Variants in GMDS observed in about 807,000 individuals in gnomAD.
GMDS encodes the protein GDP-mannose 4,6 dehydratase.
Under a neutral mutation model 49.9 loss-of-function variants are expected in GMDS, and 20 were observed. The observed-to-expected ratio is 0.40, with a 90% CI of 0.28 to 0.58. The LOEUF is 0.58. Among genes scored for constraint, GMDS ranks in the 20% least tolerant of loss-of-function variants. The pLI is 0.42. For synonymous variants in GMDS, 177 were observed against 178.6 expected, an observed-to-expected ratio of 0.99 and a Z score of 0.07; for missense variants, 362 against 481.4, an observed-to-expected ratio of 0.75 and a Z score of 2.32.
chr6:1,724,345 C>T (rs1273390539), intron 9 of GMDS, among the ~76,000 whole-genome samples: 19 of 152,112 alleles, frequency 1.2e-4, no homozygotes, highest in Admixed American at 1.0e-3. Flanking sequence ...GGGAGGGATG[C>T]GGCGTCGGTC....
At position 1,931,070 on chromosome 6, in the gene GMDS, A is replaced by T. The variant is rs546272638; in HGVS notation, c.644-840T>A. On this transcript the variant is annotated intron_variant, in intron 6 of 10. Transcript: ENST00000380815. ...CAAAGTTAAAAGGCACTTCTGAGAC[A>T]GTTTTACCTTGTTATCTAGGTAAGG... 6.2e-4 allele frequency: 94 copies of T among 152,366 alleles called. 2 individuals are homozygous for T. Among genetic ancestry groups the T allele is most frequent in the African/African-American group, 2.2e-3 (90 of 41,592 alleles). 9.4% of individuals were successfully genotyped at this position (152,366 alleles called of 1,614,324 possible).
intron 4 of GMDS, among the ~76,000 whole-genome samples, chr6:2,016,007 G>C (rs996264825): frequency 6.7e-6 from 1 of 149,328 alleles, no homozygotes; most frequent in Non-Finnish European, 1.5e-5. Flanking sequence ...GGAGGCCGAG[G>C]CAGGCAGATT....
chr6:2,224,502 T>G (rs980067961), intron 1 of GMDS, among the ~76,000 whole-genome samples: 1 of 152,262 alleles, frequency 6.6e-6, no homozygotes, highest in Non-Finnish European at 1.5e-5. Flanking sequence ...TCAATGATGC[T>G]TCTCATAGGA....
At chr6:1,868,702 T>G (rs1426210256) in intron 7 of GMDS, among the ~76,000 whole-genome samples, 1 of 152,050 alleles carries the variant, frequency 6.6e-6, no homozygotes, top group African/African-American at 2.4e-5. Context: ...CTCGTCCCAG[T>G]ATAATGTGCT....
At chr6:1,660,154 A>G (rs1764021427) in intron 9 of GMDS, among the ~76,000 whole-genome samples, 1 of 152,118 alleles carries the variant, frequency 6.6e-6, no homozygotes, top group African/African-American at 2.4e-5. Context: ...TCCTTGCTAA[A>G]GCATTCCTGG....
intron 4 of GMDS, among the ~76,000 whole-genome samples, chr6:2,092,741 C>T (rs2127477894): frequency 6.6e-6 from 1 of 152,128 alleles, no homozygotes; most frequent in Non-Finnish European, 1.5e-5. Flanking sequence ...ACACATGTAC[C>T]CTTAAACAGA....
intron 7 of GMDS, among the ~76,000 whole-genome samples, chr6:1,777,114 T>C (rs1768868257): frequency 6.6e-6 from 1 of 152,258 alleles, no homozygotes; most frequent in Non-Finnish European, 1.5e-5. Context: ...CACTGATGAA[T>C]GCCTACCGTG....
intron 9 of GMDS, among the ~76,000 whole-genome samples, chr6:1,652,739 G>GACAGAC (rs1482372797): frequency 2.5e-5 from 1 of 40,386 alleles, no homozygotes; most frequent in African/African-American, 9.3e-5. Flanking sequence ...GAGAGAGAGA[G>GACAGAC]AGACAGACAG....
intron 7 of GMDS, among the ~76,000 whole-genome samples, chr6:1,744,987 GCACA>G (rs3039695): frequency 6.6e-6 from 1 of 151,330 alleles, no homozygotes; most frequent in Non-Finnish European, 1.5e-5. Flanking sequence ...AGGCACACGT[GCACA>G]CACACACACA....
chr6:1,756,155 T>C (rs187149921), intron 7 of GMDS, among the ~76,000 whole-genome samples: 55 of 152,294 alleles, frequency 3.6e-4, no homozygotes, highest in Non-Finnish European at 5.3e-4. Context: ...ATGTAAATAA[T>C]GTATGAAAGA....
At chr6:1,741,811 C>CAAAAAAAAA (rs758949708) in intron 8 of GMDS, among the ~76,000 whole-genome samples, 2 of 23,048 alleles carry the variant, frequency 8.7e-5, no homozygotes, top group East Asian at 1.1e-3. Context: ...GACTCTGTCT[C>CAAAAAAAAA]AAAAAAAAAA....
At chr6:1,966,336 T>C (rs1043907782) in intron 4 of GMDS, among the ~76,000 whole-genome samples, 25 of 151,104 alleles carry the variant, frequency 1.7e-4, no homozygotes, top group African/African-American at 5.9e-4. Context: ...AAAAATCTTA[T>C]TTCACCTAAT....
chr6:2,205,775 GT>G (rs1338540346), intron 1 of GMDS, among the ~76,000 whole-genome samples: 4 of 152,228 alleles, frequency 2.6e-5, no homozygotes, highest in African/African-American at 9.6e-5. Context: ...GGGTGTGTGT[GT>G]GGGGGGGGAG....
chr6:1,745,061 A>T (rs1423827674), intron 7 of GMDS, among the ~76,000 whole-genome samples: 1 of 152,242 alleles, frequency 6.6e-6, no homozygotes, highest in African/African-American at 2.4e-5. Flanking sequence ...AAATTAAATG[A>T]TGCCTATGGC....
intron 7 of GMDS, among the ~76,000 whole-genome samples, chr6:1,834,212 A>C (rs1294965291): frequency 6.6e-6 from 1 of 152,248 alleles, no homozygotes; most frequent in Non-Finnish European, 1.5e-5. Context: ...AGGATTCATT[A>C]AATGTCCATT....
At chr6:2,237,570 G>A (rs1781420950) in intron 1 of GMDS, among the ~76,000 whole-genome samples, 1 of 146,232 alleles carries the variant, frequency 6.8e-6, no homozygotes, top group Non-Finnish European at 1.5e-5. Context: ...CACCCAGGCT[G>A]GAGTACAGTG....
At chr6:1,870,168 T>TTA (rs1260069769) in intron 7 of GMDS, among the ~76,000 whole-genome samples, 2 of 152,202 alleles carry the variant, frequency 1.3e-5, no homozygotes, top group Non-Finnish European at 2.9e-5. Flanking sequence ...GGCCCTTTAA[T>TTA]GTCATTTTCC....
At chr6:2,214,303 A>G (rs1780214806) in intron 1 of GMDS, among the ~76,000 whole-genome samples, 1 of 152,192 alleles carries the variant, frequency 6.6e-6, no homozygotes, top group African/African-American at 2.4e-5. Flanking sequence ...CCTCAGAGTA[A>G]CCGAATACAG....
chr6:2,009,968 A>G (rs1441236412), intron 4 of GMDS, among the ~76,000 whole-genome samples: 3 of 152,204 alleles, frequency 2.0e-5, no homozygotes, highest in African/African-American at 7.2e-5. Flanking sequence ...ATAAATTGAT[A>G]AAGACTGTAA....
Sources: gnomAD v4.1 joint callset for allele counts (sites outside exome capture counted in the v4.1 genomes callset) on GRCh38, gnomAD v4.1.1 for gene constraint, MANE v1.5 for transcripts, NCBI Gene and HGNC (gene_info 2026-07-23, HGNC 2026-07-21) for gene names.